The following CLIP1 variants were observed in gnomAD, a reference collection of about 807,000 sequenced individuals.
The protein encoded by CLIP1 is CAP-Gly domain-containing linker protein 1.
CLIP1 carries 66 observed loss-of-function variants against 161.6 expected under a neutral mutation model. The observed-to-expected ratio is 0.41, with a 90% CI of 0.33 to 0.50. The LOEUF is 0.50. Among genes scored for constraint, CLIP1 ranks in the 20% least tolerant of loss-of-function variants. The pLI, the probability that CLIP1 is intolerant of heterozygous loss-of-function variation, is 0.27. For missense variants in CLIP1, 1,376 were observed against 1,702.0 expected (o/e 0.81, Z 3.37); for synonymous variants, 598 against 626.2 (o/e 0.96, Z 0.67).
intron 18 of CLIP1, among the ~76,000 whole-genome samples, chr12:122,318,235 T>G (rs1213066894): frequency 6.6e-6 from 1 of 152,182 alleles, no homozygotes; most frequent in East Asian, 1.9e-4. Flanking sequence ...ACCTGCCTAT[T>G]ACTTTTAAAA....
chr12:122,334,146 C>CATATTTAATAAGCT (rs1477419087), intron 13 of CLIP1, 36 bp from the exon 14 acceptor site: 2 of 1,318,696 alleles, frequency 1.5e-6, no homozygotes, highest in East Asian at 4.8e-5. Flanking sequence ...TAATATGTTT[C>CATATTTAATAAGCT]ATATTTAATA....
At position 122,319,227 on chromosome 12, in the gene CLIP1, A is replaced by G. The variant is rs202131493; in HGVS notation, c.3366+5T>C. The G allele has an allele frequency of 1.3e-6, 2 of 1,573,726 alleles. No individual in the cohort carries two copies. Among genetic ancestry groups the G allele is most frequent in the African/African-American group, 2.7e-5 (2 of 74,072 alleles). On this transcript the variant is annotated splice_donor_5th_base_variant and intron_variant, in intron 18 of 25. Transcript: ENST00000620786. ...TTGTATAAAAAGCTATTTAAATCTGATTACTTCATTCTGTAGTTTTGCATT... is the reference window on the plus strand; with the variant it reads ...TTGTATAAAAAGCTATTTAAATCTGGTTACTTCATTCTGTAGTTTTGCATT...
chr12:122,362,228 A>C (rs1953874032), intron 4 of CLIP1, among the ~76,000 whole-genome samples: 1 of 151,658 alleles, frequency 6.6e-6, no homozygotes. Flanking sequence ...CTGGGATTAC[A>C]GGCGTGAGCC....
intron 20 of CLIP1, among the ~76,000 whole-genome samples, chr12:122,292,045 G>A (rs539767907): frequency 1.3e-5 from 2 of 152,270 alleles, no homozygotes; most frequent in South Asian, 4.1e-4. Context: ...AGGCTGGAGT[G>A]CAGGGACAAA....
At chr12:122,304,631 G>C (rs1480336300) in intron 20 of CLIP1, among the ~76,000 whole-genome samples, 1 of 152,236 alleles carries the variant, frequency 6.6e-6, no homozygotes, top group African/African-American at 2.4e-5. Context: ...AAAGGGCTGG[G>C]ATTACAGGCG....
chr12:122,292,982 A>ATG (rs1950310967), intron 20 of CLIP1, among the ~76,000 whole-genome samples: 1 of 145,764 alleles, frequency 6.9e-6, no homozygotes, highest in Non-Finnish European at 1.5e-5. Flanking sequence ...CAGCCTGGGC[A>ATG]AAAGAGCAAG....
intron 20 of CLIP1, among the ~76,000 whole-genome samples, chr12:122,289,899 C>T (rs200386938): frequency 6.6e-6 from 1 of 151,794 alleles, no homozygotes; most frequent in South Asian, 2.1e-4. Context: ...ACCTCTGCCT[C>T]CCAGGTTCAA....
Position 122,332,940 on chromosome 12 carries a change from G to A in CLIP1, c.2867+47C>T, listed in dbSNP as rs150619966. 7.3e-4 allele frequency: 1,116 copies of A among 1,521,784 alleles called. 3 individuals are homozygous for A. The highest frequency in any genetic ancestry group is 6.0e-3 in the African/African-American group (434 of 71,906). 94.3% of individuals were successfully genotyped at this position (1,521,784 alleles called of 1,614,324 possible). On this transcript the variant is annotated intron_variant, in intron 15 of 25. Coordinates refer to ENST00000620786, the MANE Select transcript of CLIP1 (RefSeq NM_001247997.2). ...TCTCCCCTCCCACCTAGAGCTTGCC[G>A]CAGAGCCTAACCTAAGGTCAGCACT...
intron 1 of CLIP1, among the ~76,000 whole-genome samples, chr12:122,398,191 G>A (rs763705028): frequency 4.2e-4 from 64 of 150,784 alleles, no homozygotes; most frequent in Middle Eastern, 6.8e-3. Context: ...CAAGGCAGCC[G>A]GATCACCAGA....
At chr12:122,356,204 A>C (rs1296627779) in intron 5 of CLIP1, 3 of 152,162 alleles carry the variant, frequency 2.0e-5, no homozygotes, top group Non-Finnish European at 4.4e-5. Context: ...TCTCTTGCTA[A>C]TATTTCTTCC....
rs777172335 is a variant in CLIP1, at chr12:122,377,814, C to T, written c.232G>A (p.Gly78Arg). ...TGGCCTGGTGCAAACTGGGTTTCTC[C>T]AAGAAACTGGATAAATCCAGGCTTA... ...GNKPGFIQFL[G>R]ETQFAPGQWA... The change falls in exon 3 of 26, where the codon GGA becomes AGA. Residue 78 changes from glycine to arginine, a missense_variant. Around this residue, in one of 6 missense-constraint regions of CLIP1, gnomAD observed 27 missense variants for 64.1 expected, o/e 0.42. Coordinates refer to ENST00000620786, the MANE Select transcript of CLIP1 (RefSeq NM_001247997.2). 2.5e-6 allele frequency: 4 copies of T among 1,613,860 alleles called. No individual in the cohort carries two copies. Among genetic ancestry groups the T allele is most frequent in the Non-Finnish European group, 1.7e-6 (2 of 1,180,018 alleles).
chr12:122,422,891 G>C (rs1957008324), upstream of CLIP1, among the ~76,000 whole-genome samples: 1 of 151,890 alleles, frequency 6.6e-6, no homozygotes. Context: ...CCCCGGCTTG[G>C]GGAGCAAGGT....
chr12:122,340,875 C>G lies in CLIP1; in HGVS notation c.2329G>C (p.Asp777His). 1 of 1,614,208 alleles carries G rather than the reference C, an allele frequency of 6.2e-7. No individual in the cohort carries two copies. Among genetic ancestry groups the G allele is most frequent in the Non-Finnish European group, 8.5e-7 (1 of 1,180,040 alleles). The change falls in exon 11 of 26, where the codon GAT (aspartate) becomes CAT (histidine). Residue 777 changes from aspartate (D) to histidine (H), a missense_variant. Coordinates refer to ENST00000620786, the MANE Select transcript of CLIP1 (RefSeq NM_001247997.2). ...TCGGAACTGGCTTTCCGAAGTGCAT[C>G]AAGATCCAAGAGCTTTTCTTCAGTA... is the stretch of plus-strand genomic sequence containing the variant. Reference protein sequence around the residue: ...KATEEKLLDLDALRKASSEGK... With the variant: ...KATEEKLLDLHALRKASSEGK...
chr12:122,354,277 C>T (rs1291587102), intron 7 of CLIP1, among the ~76,000 whole-genome samples, 176 bp downstream of exon 7: 1 of 151,972 alleles, frequency 6.6e-6, no homozygotes, highest in Non-Finnish European at 1.5e-5. Context: ...TTCCTGTGGT[C>T]CCAGCTACTT....
At chr12:122,287,073 G>C (rs1453418957) in intron 21 of CLIP1, among the ~76,000 whole-genome samples, 2 of 152,148 alleles carry the variant, frequency 1.3e-5, no homozygotes, top group Non-Finnish European at 2.9e-5. Flanking sequence ...TTGGGAGGCT[G>C]AGAGGTCGGA....
chr12:122,310,183 T>C (rs1408327634), intron 19 of CLIP1, among the ~76,000 whole-genome samples: 2 of 150,848 alleles, frequency 1.3e-5, no homozygotes, highest in Non-Finnish European at 3.0e-5. Flanking sequence ...AAATGACAAA[T>C]GAGATGGTCA....
At chr12:122,286,304 G>A (rs1246884629) in intron 21 of CLIP1, among the ~76,000 whole-genome samples, 1 of 151,770 alleles carries the variant, frequency 6.6e-6, no homozygotes, top group Non-Finnish European at 1.5e-5. Context: ...GGATCACGAG[G>A]TCAGGAGTTA....
At chr12:122,375,372 A>G (rs1260349238) in intron 3 of CLIP1, among the ~76,000 whole-genome samples, 1 of 149,692 alleles carries the variant, frequency 6.7e-6, no homozygotes. Flanking sequence ...GCTAGAGTGC[A>G]GTGGCGCAAA....
At chr12:122,342,145 T>G (rs1478312063) in intron 10 of CLIP1, 1 of 152,546 alleles carries the variant, frequency 6.6e-6, no homozygotes, top group Non-Finnish European at 1.5e-5. Context: ...AGCAAACTAT[T>G]ATGAACGTTT....
Sources: allele counts gnomAD v4.1 joint callset (sites outside exome capture counted in the v4.1 genomes callset), GRCh38; gene constraint gnomAD v4.1.1; regional missense constraint gnomAD v4.1.1; transcripts MANE v1.5; gene names NCBI Gene and HGNC (gene_info 2026-07-23, HGNC 2026-07-21).